Variants in ADAMTS7 observed in about 807,000 individuals in gnomAD.
ADAMTS7 encodes the protein ADAM metallopeptidase with thrombospondin type 1 motif 7.
Under a neutral mutation model 172.6 loss-of-function variants are expected in ADAMTS7, and 89 were observed. The ratio of observed to expected loss-of-function variants is 0.52; its 90% CI spans 0.43 to 0.61. The LOEUF is 0.61. ADAMTS7 is among the 20% of genes least tolerant of loss of function. ADAMTS7 has a pLI of 0.00. For synonymous variants in ADAMTS7, 885 were observed against 978.4 expected, an observed-to-expected ratio of 0.90 and a Z score of 1.78; for missense variants, 1,973 against 2,355.6, an observed-to-expected ratio of 0.84 and a Z score of 3.36.
At position 78,766,522 on chromosome 15, in the gene ADAMTS7, G is replaced by C. The variant is rs776707223; in HGVS notation, c.3389C>G (p.Pro1130Arg). The change falls in exon 19 of 24, where the codon CCG becomes CGG. Residue 1130 changes from proline to arginine, a missense_variant. Transcript: ENST00000388820. ...GCCGGCCTGGCTAGGCCAAGGGCTCGGGGACCAAGGTCCCAGTACCCCCTC... is the reference window on the plus strand; with the variant it reads ...GCCGGCCTGGCTAGGCCAAGGGCTCCGGGACCAAGGTCCCAGTACCCCCTC... ...KEEGVLGPWS[P>R]SPWPSQAGRS... 12 of 1,582,966 alleles carry C rather than the reference G, an allele frequency of 7.6e-6. No individual in the cohort carries two copies. The highest frequency in any genetic ancestry group is 8.6e-6 in the Non-Finnish European group (10 of 1,166,594).
At chr15:78,774,892 G>A (rs550948084) in intron 11 of ADAMTS7, 99 bp from the exon 12 acceptor site, 120 of 1,404,004 alleles carry the variant, frequency 8.5e-5, no homozygotes, top group South Asian at 8.7e-5. Context: ...TCCACACCCC[G>A]AGATCCCTGC....
rs751155403 is a variant in ADAMTS7 at position 78,796,597 on chromosome 15, A to G, written c.812T>C (p.Met271Thr). 1 of 1,611,258 alleles carries G rather than the reference A, an allele frequency of 6.2e-7. No individual in the cohort carries two copies. The highest frequency in any genetic ancestry group is 1.1e-5 in the South Asian group (1 of 90,616). ...PQVESYVLTI[M>T]NMVAGLFHDP... ...TGGCCCACACAGACTCACCATGTTC[A>G]TGATGGTCAGCACATAGCTCTCAAC... Residue 271 changes from methionine to threonine, a missense_variant, in exon 4 of 24, where the codon ATG becomes ACG. Around this residue, in one of 8 missense-constraint regions of ADAMTS7, gnomAD observed 526 missense variants for 662.9 expected, o/e 0.79. Coordinates refer to ENST00000388820, the MANE Select transcript of ADAMTS7 (RefSeq NM_014272.5).
rs151123718 is a variant in ADAMTS7 at position 78,759,216 on chromosome 15, T to C, written c.*205A>G. 995 of 480,466 alleles carry C rather than the reference T, an allele frequency of 2.1e-3. 7 individuals are homozygous for C. The highest frequency in any genetic ancestry group is 4.3e-3 in the South Asian group (109 of 25,644). 29.8% of individuals were successfully genotyped at this position (480,466 alleles called of 1,614,324 possible). A position where few individuals can be genotyped will look rare whatever the true frequency, so the allele number is the denominator to read the frequency against. On this transcript the variant is annotated 3_prime_UTR_variant, in exon 24 of 24. Coordinates refer to ENST00000388820, the MANE Select transcript of ADAMTS7 (RefSeq NM_014272.5). ...GAAGTCACGCTGTGCTTTGGAATGG[T>C]AGATGCTCATTTATGTAAAATCATA... is the stretch of plus-strand genomic sequence containing the variant.
intron 17 of ADAMTS7, among the ~76,000 whole-genome samples, chr15:78,767,820 C>A (rs1366957100): frequency 6.6e-6 from 1 of 151,884 alleles, no homozygotes; most frequent in Non-Finnish European, 1.5e-5. Context: ...CTCAGGAAAA[C>A]TGAGCATGAC....
chr15:78,788,414 G>A (rs371089451), intron 7 of ADAMTS7, 40 bp from the exon 8 acceptor site: 433 of 1,603,896 alleles, frequency 2.7e-4, no homozygotes, highest in Middle Eastern at 4.5e-4. Context: ...GTGAGCCGGC[G>A]GGAGGCTGCC....
chr15:78,779,243 C>T (rs2055396041), intron 8 of ADAMTS7, among the ~76,000 whole-genome samples: 1 of 152,132 alleles, frequency 6.6e-6, no homozygotes, highest in Admixed American at 6.5e-5. Context: ...GTCCTAGTGC[C>T]CAAGATGATC....
chr15:78,769,836 A>G (rs1001453031), intron 16 of ADAMTS7, among the ~76,000 whole-genome samples: 15 of 152,224 alleles, frequency 9.9e-5, no homozygotes, highest in Admixed American at 6.5e-5. Context: ...CTGCAAGTGT[A>G]TTTGTTGGTT....
chr15:78,766,181 A>G lies in ADAMTS7; in HGVS notation c.3730T>C (p.Ser1244Pro), dbSNP rs779104306. The stretch of plus-strand genomic sequence containing the variant: ...GAGGAGTGGGTGCTGCCAACAGGGG[A>G]CAAAGGGGGCAGCGTGGAGCTGGGT... ...PRPSSTLPPLSPVGSTHSSPS... is the reference protein window; with the variant it reads ...PRPSSTLPPLPPVGSTHSSPS... Residue 1244 changes from serine (S) to proline (P), a missense_variant, in exon 19 of 24, where the codon TCC (serine) becomes CCC (proline). Ser to Pro is a moderately conservative substitution (Grantham distance 74, BLOSUM62 -1). Transcript: ENST00000388820. 8 of 1,611,264 alleles carry G rather than the reference A, an allele frequency of 5.0e-6. No individual in the cohort carries two copies. In the South Asian group the frequency reaches 6.6e-5, roughly 13 times the overall value.
chr15:78,766,583 G>T lies in ADAMTS7; in HGVS notation c.3328C>A (p.Pro1110Thr). 1 of 1,603,574 alleles carries T rather than the reference G, an allele frequency of 6.2e-7. No individual in the cohort carries two copies. The highest frequency in any genetic ancestry group is 8.5e-7 in the Non-Finnish European group (1 of 1,177,216). The change falls in exon 19 of 24, where the codon CCC becomes ACC. Residue 1110 changes from proline to threonine, a missense_variant. Physicochemically the swap from Pro to Thr is conservative, Grantham distance 38. This residue lies in a region of ADAMTS7 where 771 missense variants were observed against 952.6 expected (regional missense o/e 0.81). Coordinates refer to ENST00000388820, the MANE Select transcript of ADAMTS7 (RefSeq NM_014272.5). ...GCAGGAGGCTCTGTGGCAGGCACGGGGCTACCCGTGGAGGGCGCAGCAGGA... is the reference window on the plus strand; with the variant it reads ...GCAGGAGGCTCTGTGGCAGGCACGGTGCTACCCGTGGAGGGCGCAGCAGGA... The part of the protein sequence containing the change: ...SHPAAPSTGS[P>T]VPATEPPAAK...
intron 1 of ADAMTS7, among the ~76,000 whole-genome samples, chr15:78,801,297 G>A (rs937581941): frequency 4.6e-5 from 7 of 152,112 alleles, no homozygotes; most frequent in African/African-American, 1.4e-4. Flanking sequence ...CCAATCTCAT[G>A]TCCAGCTACA....
chr15:78,774,037 G>T, intron 13 of ADAMTS7, 130 bp downstream of exon 13: 1 of 1,422,646 alleles, frequency 7.0e-7, no homozygotes, highest in Non-Finnish European at 9.4e-7. Context: ...GACCAGGAGG[G>T]ACCCAGGAGA....
chr15:78,786,349 T>C (rs984929902), intron 8 of ADAMTS7, among the ~76,000 whole-genome samples: 9 of 152,168 alleles, frequency 5.9e-5, no homozygotes, highest in Admixed American at 3.3e-4. Flanking sequence ...TTTACTTTGG[T>C]CCATGAGCTC....
chr15:78,808,250 T>G (rs1026168588), intron 1 of ADAMTS7, among the ~76,000 whole-genome samples: 4 of 152,224 alleles, frequency 2.6e-5, no homozygotes, highest in Admixed American at 6.5e-5. Context: ...TTCAGATTTT[T>G]TCTTTTGAGA....
rs377350152 is a variant in ADAMTS7, at chr15:78,768,232, A to G, written c.2546T>C (p.Leu849Ser). 19 of 1,610,792 alleles carry G rather than the reference A, an allele frequency of 1.2e-5. No homozygotes were observed. Among genetic ancestry groups the G allele is most frequent in the Admixed American group, 1.7e-5 (1 of 59,964 alleles). ...RGVQRQNVYC[L>S]ERQAGPVDEE... ...GTCCACGGGCCCTGCCTGCCGCTCCAAGCAGTACACATTCTGCCTCTGCAC... is the reference window on the plus strand; with the variant it reads ...GTCCACGGGCCCTGCCTGCCGCTCCGAGCAGTACACATTCTGCCTCTGCAC... The change falls in exon 17 of 24, where the codon TTG becomes TCG. Residue 849 changes from leucine to serine, a missense_variant. Around this residue, in one of 8 missense-constraint regions of ADAMTS7, gnomAD observed 771 missense variants for 952.6 expected, o/e 0.81. Transcript: ENST00000388820.
chr15:78,766,366 T>C lies in ADAMTS7; in HGVS notation c.3545A>G (p.Asp1182Gly). The C allele has an allele frequency of 6.2e-7, 1 of 1,610,346 alleles. No individual in the cohort carries two copies. The highest frequency in any genetic ancestry group is 8.5e-7 in the Non-Finnish European group (1 of 1,179,704). ...PSLSWPRVST[D>G]GLQTPATPES... ...AGGGGTGGCAGGTGTCTGCAGGCCA[T>C]CAGTGGAAACCCTGGGCCAGGACAG... Residue 1182 changes from aspartate (D) to glycine (G), a missense_variant, in exon 19 of 24, where the codon GAT (aspartate) becomes GGT (glycine). Physicochemically the swap from Asp to Gly is moderately conservative, Grantham distance 94. Around this residue, in one of 8 missense-constraint regions of ADAMTS7, gnomAD observed 771 missense variants for 952.6 expected, o/e 0.81. Transcript: ENST00000388820.
chr15:78,806,152 A>AAAAAAC (rs2055794229), intron 1 of ADAMTS7, among the ~76,000 whole-genome samples: 4 of 115,030 alleles, frequency 3.5e-5, no homozygotes, highest in African/African-American at 2.0e-4. Flanking sequence ...AAAAAAAAAA[A>AAAAAAC]AAACAGAAAA....
chr15:78,788,206 AG>A, intron 8 of ADAMTS7, 24 bp downstream of exon 8: 1 of 1,612,528 alleles, frequency 6.2e-7, no homozygotes, highest in Non-Finnish European at 8.5e-7. Flanking sequence ...ATCAAGGTAT[AG>A]GGGCCCAGGG....
rs145433328 is a variant in ADAMTS7, at chr15:78,802,951, C to T, written c.101-2404G>A. ...GGTGGAGGTTGTAGTGAGCCGAGAT[C>T]GCATCACTGCACTCCAGCCTGGGCG... On this transcript the variant is annotated intron_variant, in intron 1 of 23. Coordinates refer to ENST00000388820, the MANE Select transcript of ADAMTS7 (RefSeq NM_014272.5). Among the ~76,000 whole-genome samples, 374 of 151,972 alleles carry T rather than the reference C, an allele frequency of 2.5e-3. 2 individuals are homozygous for T. The highest frequency in any genetic ancestry group is 8.2e-3 in the African/African-American group (340 of 41,442).
At chr15:78,762,832 G>C (rs2055070049) in intron 22 of ADAMTS7, among the ~76,000 whole-genome samples, 1 of 152,230 alleles carries the variant, frequency 6.6e-6, no homozygotes, top group African/African-American at 2.4e-5. Flanking sequence ...GCAGGGCAGT[G>C]AGCCCCTCAC....
Sources: gnomAD v4.1 joint callset for allele counts (sites outside exome capture counted in the v4.1 genomes callset) on GRCh38, gnomAD v4.1.1 for gene constraint, gnomAD v4.1.1 regional missense constraint, MANE v1.5 for transcripts, NCBI Gene and HGNC (gene_info 2026-07-23, HGNC 2026-07-21) for gene names.